The following PIGU variants were observed in gnomAD, a reference collection of about 807,000 sequenced individuals.
PIGU encodes the protein phosphatidylinositol glycan anchor biosynthesis class U, also known as GPI-anchor transamidase component PIGU.
In PIGU, 24 loss-of-function variants were observed where a neutral mutation model predicts 49.9. The ratio of observed to expected loss-of-function variants is 0.48; its 90% CI spans 0.35 to 0.68. The LOEUF (loss-of-function observed/expected upper bound fraction) is 0.68. PIGU is among the 30% of genes least tolerant of loss of function. PIGU has a pLI of 0.01. For missense variants in PIGU, 490 were observed against 532.6 expected (o/e 0.92, Z 0.79); for synonymous variants, 220 against 205.7 (o/e 1.07, Z -0.59).
At chr20:34,568,719 G>C (rs6141482) in intron 11 of PIGU, among the ~76,000 whole-genome samples, 42,819 of 152,164 alleles carry the variant, frequency 0.28, 7,705 homozygotes, top group Admixed American at 0.5. Flanking sequence ...CCAGGCAGGG[G>C]ACAGGCAGCA....
At chr20:34,589,932 A>C (rs1333711430) in intron 7 of PIGU, among the ~76,000 whole-genome samples, 1 of 152,196 alleles carries the variant, frequency 6.6e-6, no homozygotes, top group Non-Finnish European at 1.5e-5. Context: ...TTGGGATTAC[A>C]GGCATGAGCC....
chr20:34,587,207 G>A (rs1259450946), intron 8 of PIGU, among the ~76,000 whole-genome samples: 3 of 152,144 alleles, frequency 2.0e-5, no homozygotes, highest in Non-Finnish European at 4.4e-5. Flanking sequence ...CCAGCAATCT[G>A]GGTTTTAATA....
chr20:34,581,932 C>A, intron 9 of PIGU, among the ~76,000 whole-genome samples: 1 of 152,184 alleles, frequency 6.6e-6, no homozygotes, highest in East Asian at 1.9e-4. Context: ...ATCAACAGTC[C>A]CCCTCTGCCT....
At chr20:34,591,454 A>C (rs916882650) in intron 7 of PIGU, among the ~76,000 whole-genome samples, 1 of 152,222 alleles carries the variant, frequency 6.6e-6, no homozygotes, top group Non-Finnish European at 1.5e-5. Context: ...CTAATAACTA[A>C]GTAATTCACA....
chr20:34,564,979 G>A (rs1046222763), intron 11 of PIGU, among the ~76,000 whole-genome samples: 6 of 152,356 alleles, frequency 3.9e-5, no homozygotes, highest in African/African-American at 1.2e-4. Flanking sequence ...AGGGAAGCCT[G>A]TAGCCAGGAC....
intron 4 of PIGU, among the ~76,000 whole-genome samples, chr20:34,640,533 A>ACG (rs775588911): frequency 7.5e-6 from 1 of 134,130 alleles, no homozygotes; most frequent in African/African-American, 3.4e-5. Context: ...ACACACACAC[A>ACG]CACCCCTTAA....
intron 7 of PIGU, among the ~76,000 whole-genome samples, chr20:34,604,086 C>T (rs527358385): frequency 5.9e-4 from 90 of 152,176 alleles, no homozygotes; most frequent in Non-Finnish European, 8.7e-4. Context: ...AGTCAAACAC[C>T]AGGGTCAAAT....
intron 6 of PIGU, among the ~76,000 whole-genome samples, chr20:34,620,858 A>G (rs1985192671): frequency 6.6e-6 from 1 of 152,088 alleles, no homozygotes; most frequent in Admixed American, 6.6e-5. Flanking sequence ...CCTGACTCAA[A>G]AAGGTCCTCA....
chr20:34,593,292 C>CG (rs1177825079), intron 7 of PIGU, among the ~76,000 whole-genome samples: 1 of 150,802 alleles, frequency 6.6e-6, no homozygotes, highest in Non-Finnish European at 1.5e-5. Flanking sequence ...CAGCCAATAT[C>CG]GTGCCACTGC....
At chr20:34,600,191 G>A (rs1984361884) in intron 7 of PIGU, among the ~76,000 whole-genome samples, 1 of 152,190 alleles carries the variant, frequency 6.6e-6, no homozygotes, top group Non-Finnish European at 1.5e-5. Context: ...CGGGTCACTT[G>A]AGGTCAGAAG....
At chr20:34,666,784 C>T (rs893330632) in intron 1 of PIGU, among the ~76,000 whole-genome samples, 2 of 150,206 alleles carry the variant, frequency 1.3e-5, no homozygotes, top group African/African-American at 4.9e-5. Context: ...GCAAACTCCA[C>T]CTCCCGGGTT....
At chr20:34,605,752 G>T (rs1169881684) in intron 7 of PIGU, among the ~76,000 whole-genome samples, 1 of 152,066 alleles carries the variant, frequency 6.6e-6, no homozygotes, top group African/African-American at 2.4e-5. Flanking sequence ...AGAAAAGTTG[G>T]AAGAGTAATA....
chr20:34,659,081 G>C (rs1241218385), intron 1 of PIGU, among the ~76,000 whole-genome samples: 3 of 146,098 alleles, frequency 2.1e-5, no homozygotes, highest in African/African-American at 7.6e-5. Flanking sequence ...GAGGTGGGGG[G>C]GTCAGCCCCC....
At chr20:34,661,689 A>G (rs1485302953) in intron 1 of PIGU, among the ~76,000 whole-genome samples, 1 of 152,030 alleles carries the variant, frequency 6.6e-6, no homozygotes, top group East Asian at 1.9e-4. Context: ...ACATGCATGC[A>G]TCTTTAGGGC....
At chr20:34,561,019 T>A in intron 11 of PIGU, 40 bp from the exon 12 acceptor site, 2 of 1,403,408 alleles carry the variant, frequency 1.4e-6, no homozygotes, top group Admixed American at 3.7e-5. Context: ...GCTGGGTACC[T>A]CCCCCTAAAC....
chr20:34,668,092 A>G (rs1032960383), intron 1 of PIGU, among the ~76,000 whole-genome samples: 2 of 152,180 alleles, frequency 1.3e-5, no homozygotes, highest in African/African-American at 4.8e-5. Flanking sequence ...AGAGCTCTTC[A>G]AAGTGTCAAG....
rs147856198 is a variant in PIGU, at chr20:34,612,948, T to C, written c.627+3094A>G. 8.9e-3 allele frequency among the ~76,000 whole-genome samples: 1,358 copies of C among 152,234 alleles called. 23 individuals carry two copies. Among genetic ancestry groups the C allele is most frequent in the African/African-American group, 0.032 (1,314 of 41,554 alleles). ...CAGGCAGTTCATAGCAGCGTAAGAA[T>C]GGACTAATACACCAGGCTACTTCAT... is the stretch of plus-strand genomic sequence containing the variant. On this transcript the variant is annotated intron_variant, in intron 7 of 11. Transcript: ENST00000217446.
In PIGU at chr20:34,575,118, A is replaced by G; in HGVS notation, c.1180T>C (p.Phe394Leu). The change falls in exon 11 of 12, where the codon TTC (phenylalanine) becomes CTC (leucine). Residue 394 changes from phenylalanine (F) to leucine (L), a missense_variant. Physicochemically the swap from Phe to Leu is conservative, Grantham distance 22 (BLOSUM62 0). Coordinates refer to ENST00000217446, the MANE Select transcript of PIGU (RefSeq NM_080476.5). ...SNFFYAITLT[F>L]NVGQILLISD... The stretch of plus-strand genomic sequence containing the variant: ...GTCCCTCTTACCTGCCCAACGTTGA[A>G]GGTCAGTGTGATGGCATAAAAGAAA... 6.2e-7 allele frequency: 1 copy of G among 1,614,096 alleles called. No homozygotes were observed. The highest frequency in any genetic ancestry group is 8.5e-7 in the Non-Finnish European group (1 of 1,179,980).
At chr20:34,656,499 G>A (rs1183424895) in intron 2 of PIGU, among the ~76,000 whole-genome samples, 2 of 150,732 alleles carry the variant, frequency 1.3e-5, no homozygotes, top group Admixed American at 1.3e-4. Context: ...AGCCAGGATG[G>A]TTTCGATTTC....
Sources: gnomAD v4.1 joint callset for allele counts (sites outside exome capture counted in the v4.1 genomes callset) on GRCh38, gnomAD v4.1.1 for gene constraint, MANE v1.5 for transcripts, NCBI Gene and HGNC (gene_info 2026-07-23, HGNC 2026-07-21) for gene names.